TENM2: variants seen among roughly 807,000 people sequenced by gnomAD.
TENM2 encodes the protein teneurin transmembrane protein 2.
TENM2 carries 52 observed loss-of-function variants against 245.2 expected under a neutral mutation model. The observed-to-expected ratio is 0.21, with a 90% CI of 0.17 to 0.27. The LOEUF (loss-of-function observed/expected upper bound fraction) is 0.27, where lower values mean the gene tolerates loss of function less well. Ranked by LOEUF, TENM2 falls within the 10% of genes least tolerant of loss-of-function variation. The pLI is 1.00. For missense variants in TENM2, 3,046 were observed against 3,666.8 expected, an observed-to-expected ratio of 0.83 and a Z score of 4.37; for synonymous variants, 1,363 against 1,438.9, an observed-to-expected ratio of 0.95 and a Z score of 1.19.
At chr5:168,228,840 A>T (rs534771609) in intron 25 of TENM2, among the ~76,000 whole-genome samples, 65 of 149,254 alleles carry the variant, frequency 4.4e-4, no homozygotes, top group African/African-American at 1.6e-3. Flanking sequence ...TAAAACCAAT[A>T]TATAACATTA....
intron 5 of TENM2, among the ~76,000 whole-genome samples, chr5:168,017,063 C>A (rs1478202542): frequency 4.6e-5 from 7 of 152,224 alleles, no homozygotes; most frequent in Non-Finnish European, 1.0e-4. Context: ...CTGCACTGAC[C>A]AGTTAGCAGC....
At chr5:167,021,074 G>T in the TENM2 span, among the ~76,000 whole-genome samples, 1 of 152,158 alleles carries the variant, frequency 6.6e-6, no homozygotes, top group Non-Finnish European at 1.5e-5. Flanking sequence ...AACCCAGGAG[G>T]GGGAGGTTGC....
intron 27 of TENM2, among the ~76,000 whole-genome samples, chr5:168,259,509 A>G (rs1212105379): frequency 6.6e-6 from 1 of 152,106 alleles, no homozygotes; most frequent in African/African-American, 2.4e-5. Flanking sequence ...AATTGCTTGA[A>G]CCTGGGAGGC....
At chr5:167,140,971 A>G in the TENM2 span, among the ~76,000 whole-genome samples, 10 of 152,344 alleles carry the variant, frequency 6.6e-5, no homozygotes, top group African/African-American at 2.4e-4. Flanking sequence ...ACCTAGCAGC[A>G]TTTAAAATAA....
At chr5:167,742,081 A>T (rs1161128995) in intron 2 of TENM2, among the ~76,000 whole-genome samples, 1 of 152,178 alleles carries the variant, frequency 6.6e-6, no homozygotes, top group African/African-American at 2.4e-5. Context: ...GTGGCAATTA[A>T]TTGCTCTACT....
chr5:167,616,088 A>G (rs990944807), intron 2 of TENM2, among the ~76,000 whole-genome samples: 1 of 152,134 alleles, frequency 6.6e-6, no homozygotes, highest in Non-Finnish European at 1.5e-5. Flanking sequence ...GCTGTTTTTA[A>G]TGCCGGAGGT....
At chr5:167,119,014 C>T in the TENM2 span, among the ~76,000 whole-genome samples, 5 of 152,192 alleles carry the variant, frequency 3.3e-5, no homozygotes, top group East Asian at 3.9e-4. Flanking sequence ...TGTCTATACA[C>T]GTATGCTTCC....
intron 5 of TENM2, among the ~76,000 whole-genome samples, chr5:168,021,425 G>A (rs1465608857): frequency 4.6e-5 from 7 of 152,298 alleles, no homozygotes; most frequent in South Asian, 2.1e-4. Flanking sequence ...CTGGTTTCTC[G>A]AGGCATCCAC....
At chr5:167,267,959 C>T in the TENM2 span, among the ~76,000 whole-genome samples, 1 of 152,134 alleles carries the variant, frequency 6.6e-6, no homozygotes. Flanking sequence ...TAAATGAACT[C>T]TTCAGCTATC....
the TENM2 span, among the ~76,000 whole-genome samples, chr5:167,252,410 A>G: frequency 2.0e-5 from 3 of 152,178 alleles, no homozygotes; most frequent in Admixed American, 2.0e-4. Context: ...TGTAGTAAGT[A>G]GGCGAATGGC....
the TENM2 span, among the ~76,000 whole-genome samples, chr5:167,051,387 C>T: frequency 6.6e-6 from 1 of 151,480 alleles, no homozygotes; most frequent in Admixed American, 6.6e-5. Flanking sequence ...GTGTGATTTT[C>T]GTTGAGGCTG....
At chr5:167,702,625 GT>G (rs1363158281) in intron 2 of TENM2, among the ~76,000 whole-genome samples, 2 of 149,074 alleles carry the variant, frequency 1.3e-5, no homozygotes, top group African/African-American at 2.5e-5. Flanking sequence ...GAACTGCTGT[GT>G]TTTTTTGTTT....
chr5:167,866,274 G>A (rs962039414), intron 2 of TENM2, among the ~76,000 whole-genome samples: 6 of 152,234 alleles, frequency 3.9e-5, no homozygotes, highest in East Asian at 3.9e-4. Flanking sequence ...CGAGGCAGGC[G>A]GCTCACCTGA....
At chr5:168,095,214 C>G (rs1308233733) in intron 8 of TENM2, among the ~76,000 whole-genome samples, 1 of 152,158 alleles carries the variant, frequency 6.6e-6, no homozygotes, top group Non-Finnish European at 1.5e-5. Context: ...TTCCATGGAA[C>G]CAGTCCCTGG....
intron 5 of TENM2, among the ~76,000 whole-genome samples, chr5:168,043,188 T>C (rs1219156774): frequency 5.3e-5 from 8 of 151,930 alleles, no homozygotes; most frequent in Admixed American, 1.3e-4. Context: ...TTATTTGAAA[T>C]CTTGAGATGA....
chr5:167,474,616 G>T (rs931632530), intron 2 of TENM2, among the ~76,000 whole-genome samples: 2 of 151,864 alleles, frequency 1.3e-5, no homozygotes, highest in Non-Finnish European at 2.9e-5. Flanking sequence ...TGGGTTCAGG[G>T]AATTCTCCCT....
At chr5:168,135,129 A>G (rs1248905242) in intron 12 of TENM2, among the ~76,000 whole-genome samples, 2 of 152,142 alleles carry the variant, frequency 1.3e-5, no homozygotes, top group Non-Finnish European at 2.9e-5. Context: ...CAAGACTCTC[A>G]TTGATTCTGT....
At chr5:168,180,088 G>A (rs1562251764) in intron 13 of TENM2, among the ~76,000 whole-genome samples, 1 of 152,186 alleles carries the variant, frequency 6.6e-6, no homozygotes, top group Non-Finnish European at 1.5e-5. Context: ...CAAAAGCCCT[G>A]CACTTTATAG....
At chr5:168,071,890 G>C (rs1345341890) in intron 7 of TENM2, among the ~76,000 whole-genome samples, 1 of 152,158 alleles carries the variant, frequency 6.6e-6, no homozygotes, top group Non-Finnish European at 1.5e-5. Flanking sequence ...TTCCCACTTT[G>C]GGTATGAGAG....
Sources: gnomAD v4.1 joint callset for allele counts (sites outside exome capture counted in the v4.1 genomes callset) on GRCh38, gnomAD v4.1.1 for gene constraint, MANE v1.5 for transcripts, NCBI Gene and HGNC (gene_info 2026-07-23, HGNC 2026-07-21) for gene names.